SPPL2A: variants seen among roughly 807,000 people sequenced by gnomAD.
The protein encoded by SPPL2A is signal peptide peptidase-like 2A.
SPPL2A carries 51 observed loss-of-function variants against 63.8 expected under a neutral mutation model. The ratio of observed to expected loss-of-function variants is 0.80; its 90% CI spans 0.64 to 1.01. The LOEUF (loss-of-function observed/expected upper bound fraction) is 1.01, where lower values mean the gene tolerates loss of function less well. Ranked by LOEUF, SPPL2A falls within the 50% of genes least tolerant of loss-of-function variation. The pLI, the probability that SPPL2A is intolerant of heterozygous loss-of-function variation, is 0.00. For synonymous variants in SPPL2A, 188 were observed against 205.8 expected, an observed-to-expected ratio of 0.91 and a Z score of 0.74; for missense variants, 553 against 622.7, an observed-to-expected ratio of 0.89 and a Z score of 1.19.
intron 5 of SPPL2A, among the ~76,000 whole-genome samples, chr15:50,745,202 G>A (rs190632337): frequency 6.6e-6 from 1 of 152,300 alleles, no homozygotes; most frequent in Non-Finnish European, 1.5e-5. Flanking sequence ...CCAGCTTGGA[G>A]TGCAATGGGA....
At chr15:50,765,381 G>T in intron 1 of SPPL2A, 87 bp downstream of exon 1, 1 of 1,052,804 alleles carries the variant, frequency 9.5e-7, no homozygotes, top group Non-Finnish European at 1.3e-6. Context: ...AGGGGAGGCC[G>T]GGCGAGGAGT....
intron 1 of SPPL2A, among the ~76,000 whole-genome samples, chr15:50,760,074 C>T (rs2062996140): frequency 1.3e-5 from 2 of 152,156 alleles, no homozygotes; most frequent in South Asian, 2.1e-4. Flanking sequence ...TTTTAGTCAG[C>T]TCAGGCTTCA....
At chr15:50,747,981 A>G in intron 4 of SPPL2A, 132 bp downstream of exon 4, 1 of 471,070 alleles carries the variant, frequency 2.1e-6, no homozygotes, top group Non-Finnish European at 3.7e-6. Flanking sequence ...TTTCCAAACA[A>G]AAACTTGATA....
intron 10 of SPPL2A, among the ~76,000 whole-genome samples, chr15:50,728,031 T>C (rs1433561804): frequency 1.3e-5 from 2 of 152,216 alleles, no homozygotes; most frequent in African/African-American, 4.8e-5. Flanking sequence ...TCCTATACCT[T>C]TAAAATTCTG....
At position 50,726,281 on chromosome 15, in the gene SPPL2A, A is replaced by G. The variant is rs758562165; in HGVS notation, c.1146+40T>C. On this transcript the variant is annotated intron_variant, in intron 11 of 14. Transcript: ENST00000261854. ...CAAATTATTAACCGGATACACATAC[A>G]TACACTGGATAGCCATTTCTATTTC... 24 of 1,595,578 alleles carry G rather than the reference A, an allele frequency of 1.5e-5. No homozygotes were observed. The Admixed American group carries it at 2.2e-4, about 14-fold the overall frequency.
chr15:50,713,268 ATT>A (rs72061371), intron 14 of SPPL2A, among the ~76,000 whole-genome samples: 33 of 140,782 alleles, frequency 2.3e-4, no homozygotes, highest in Admixed American at 2.9e-4. Flanking sequence ...TTTCCTGAGT[ATT>A]TTTTTTTTTT....
chr15:50,711,446 G>A (rs980935778), intron 14 of SPPL2A, among the ~76,000 whole-genome samples: 12 of 151,868 alleles, frequency 7.9e-5, no homozygotes, highest in African/African-American at 2.9e-4. Flanking sequence ...CCTGACCTCA[G>A]GCAATCCACC....
Position 50,748,211 on chromosome 15 carries a change from G to GA in SPPL2A, c.361-10dup, listed in dbSNP as rs1228869651. The GA allele has an allele frequency of 3.1e-6, 4 of 1,278,198 alleles. No individual in the cohort carries two copies. The highest frequency in any genetic ancestry group is 2.7e-5 in the Admixed American group (1 of 37,622). 79.2% of individuals were successfully genotyped at this position (1,278,198 alleles called of 1,614,324 possible). On this transcript the variant is annotated splice_polypyrimidine_tract_variant and intron_variant, in intron 3 of 14. Coordinates refer to ENST00000261854, the MANE Select transcript of SPPL2A (RefSeq NM_032802.4). ...TTACCTGAGGGAGGAAACTAAAAAA[G>GA]AAAAAATTATGAAAACTTATTTACT... is the stretch of plus-strand genomic sequence containing the variant.
At chr15:50,716,339 T>C (rs1296548157) in intron 14 of SPPL2A, among the ~76,000 whole-genome samples, 1 of 151,812 alleles carries the variant, frequency 6.6e-6, no homozygotes, top group South Asian at 2.1e-4. Context: ...GGATTACAAG[T>C]ATGTGCCACC....
At chr15:50,761,044 CT>C (rs1251127524) in intron 1 of SPPL2A, among the ~76,000 whole-genome samples, 1 of 151,952 alleles carries the variant, frequency 6.6e-6, no homozygotes, top group African/African-American at 2.4e-5. Flanking sequence ...ATGGTCTTCT[CT>C]GTCACCCAGG....
intron 14 of SPPL2A, among the ~76,000 whole-genome samples, chr15:50,712,418 G>A (rs921539880): frequency 6.6e-6 from 1 of 152,108 alleles, no homozygotes; most frequent in Non-Finnish European, 1.5e-5. Flanking sequence ...GGAGAGAGAA[G>A]CAAATGATTA....
At chr15:50,725,411 A>T in intron 11 of SPPL2A, 88 bp from the exon 12 acceptor site, 1 of 739,844 alleles carries the variant, frequency 1.4e-6, no homozygotes, top group Non-Finnish European at 2.4e-6. Flanking sequence ...CTTTACTCAT[A>T]TCTTTTATTT....
At chr15:50,721,343 G>T (rs2062644863) in intron 13 of SPPL2A, among the ~76,000 whole-genome samples, 1 of 152,016 alleles carries the variant, frequency 6.6e-6, no homozygotes. Context: ...CAGCCACTGT[G>T]CCCAGCTGAG....
chr15:50,762,380 A>C (rs1002188730), intron 1 of SPPL2A, among the ~76,000 whole-genome samples: 12 of 152,004 alleles, frequency 7.9e-5, no homozygotes, highest in African/African-American at 2.4e-4. Flanking sequence ...AAAAAAAAAA[A>C]AACAAAAACC....
chr15:50,714,465 C>T (rs902341168), intron 14 of SPPL2A, among the ~76,000 whole-genome samples: 5 of 151,654 alleles, frequency 3.3e-5, no homozygotes, highest in African/African-American at 1.2e-4. Context: ...AACCCCATCT[C>T]TACTAAAAAT....
Position 50,765,541 on chromosome 15 carries a change from G to A in SPPL2A, c.-8C>T. Reference sequence around the variant, plus strand: ...CCGCCGCTGCGGCCCCATCGGACTGGTGGGTGCCGGGTGGGACGGCACGGT... The same window carrying A: ...CCGCCGCTGCGGCCCCATCGGACTGATGGGTGCCGGGTGGGACGGCACGGT... On this transcript the variant is annotated 5_prime_UTR_variant, in exon 1 of 15. Coordinates refer to ENST00000261854, the MANE Select transcript of SPPL2A (RefSeq NM_032802.4). The A allele has an allele frequency of 9.4e-6, 14 of 1,489,630 alleles. No homozygotes were observed. Among genetic ancestry groups the A allele is most frequent in the Non-Finnish European group, 1.2e-5 (14 of 1,127,396 alleles). The allele number at this position is 1,489,630 out of a possible 1,614,324, so 92.3% of individuals were successfully genotyped here.
At position 50,727,665 on chromosome 15, in the gene SPPL2A, C is replaced by G. The variant is rs150873021; in HGVS notation, c.1090-1288G>C. 6.2e-4 allele frequency among the ~76,000 whole-genome samples: 95 copies of G among 152,270 alleles called. 2 individuals are homozygous for G. In the East Asian group the frequency reaches 0.017, roughly 28 times the overall value. ...CTTATTGCTGTACTCTTATGGTGAC[C>G]TGCCTTGCCAACTCACTAGAAGGCC... is the stretch of plus-strand genomic sequence containing the variant. On this transcript the variant is annotated intron_variant, in intron 10 of 14. Transcript: ENST00000261854.
At chr15:50,753,093 T>G (rs896699895) in intron 1 of SPPL2A, among the ~76,000 whole-genome samples, 2 of 152,164 alleles carry the variant, frequency 1.3e-5, no homozygotes, top group African/African-American at 4.8e-5. Context: ...AAGGTAACTG[T>G]TACATTATGA....
In SPPL2A at chr15:50,749,635, C is replaced by T. The variant is rs768840543; in HGVS notation, c.177+1G>A. 3 of 1,533,810 alleles carry T rather than the reference C, an allele frequency of 2.0e-6. No individual in the cohort carries two copies. The highest frequency in any genetic ancestry group is 2.7e-6 in the Non-Finnish European group (3 of 1,107,006). ...ATGAATAGTAACTGTGATTTACTTACTGCATTTTCTAGGGTACTTGGAAGA... is the reference window on the plus strand; with the variant it reads ...ATGAATAGTAACTGTGATTTACTTATTGCATTTTCTAGGGTACTTGGAAGA... On this transcript the variant is annotated splice_donor_variant, in intron 2 of 14. Coordinates refer to ENST00000261854, the MANE Select transcript of SPPL2A (RefSeq NM_032802.4). LOFTEE classifies it high-confidence loss of function.
Sources: allele counts gnomAD v4.1 joint callset (sites outside exome capture counted in the v4.1 genomes callset), GRCh38; gene constraint gnomAD v4.1.1; transcripts MANE v1.5; gene names NCBI Gene and HGNC (gene_info 2026-07-23, HGNC 2026-07-21).